TENM4: variants seen among roughly 807,000 people sequenced by gnomAD.
TENM4 encodes teneurin transmembrane protein 4.
TENM4 carries 82 observed loss-of-function variants against 243.3 expected under a neutral mutation model. That is an observed-to-expected ratio of 0.34 (90% CI 0.28 to 0.40). The LOEUF (loss-of-function observed/expected upper bound fraction) is 0.40, where lower values mean the gene tolerates loss of function less well. TENM4 is among the 10% of genes least tolerant of loss of function. The pLI, the probability that TENM4 is intolerant of heterozygous loss-of-function variation, is 1.00. For synonymous variants in TENM4, 1,412 were observed against 1,456.3 expected (o/e 0.97, Z 0.69); for missense variants, 3,138 against 3,673.3 (o/e 0.85, Z 3.77).
chr11:79,337,406 C>T (rs1300451994), intron 1 of TENM4, among the ~76,000 whole-genome samples: 1 of 152,164 alleles, frequency 6.6e-6, no homozygotes, highest in Non-Finnish European at 1.5e-5. Context: ...GAAGGGGGTA[C>T]TTGTCCCTTG....
chr11:78,977,235 G>A (rs180675352), intron 6 of TENM4, among the ~76,000 whole-genome samples: 1 of 152,336 alleles, frequency 6.6e-6, no homozygotes, highest in African/African-American at 2.4e-5. Flanking sequence ...TCATAGTGGA[G>A]TAGGTTCCCA....
At chr11:79,428,785 A>G (rs1453938205) in intron 1 of TENM4, among the ~76,000 whole-genome samples, 1 of 152,228 alleles carries the variant, frequency 6.6e-6, no homozygotes, top group East Asian at 1.9e-4. Flanking sequence ...CCATGGCTCA[A>G]ACAAATTAGG....
At chr11:79,287,398 G>T (rs374357147) in intron 2 of TENM4, among the ~76,000 whole-genome samples, 1 of 152,188 alleles carries the variant, frequency 6.6e-6, no homozygotes, top group Non-Finnish European at 1.5e-5. Flanking sequence ...CAGTGAGAAA[G>T]CGTGCCAGAT....
chr11:78,926,907 G>A (rs537365079), intron 6 of TENM4, among the ~76,000 whole-genome samples: 2 of 152,196 alleles, frequency 1.3e-5, no homozygotes, highest in Middle Eastern at 3.4e-3. Flanking sequence ...CTGGCTTTGC[G>A]TGATTTTCTA....
intron 27 of TENM4, 128 bp downstream of exon 27, chr11:78,708,233 G>A: frequency 1.6e-6 from 2 of 1,270,432 alleles, no homozygotes; most frequent in Non-Finnish European, 1.1e-6. Context: ...GCTCATCACA[G>A]CCTGGCACCA....
chr11:79,352,009 T>C (rs1347519489), intron 1 of TENM4, among the ~76,000 whole-genome samples: 35 of 152,218 alleles, frequency 2.3e-4, no homozygotes, highest in Admixed American at 2.3e-3. Flanking sequence ...TTTTCTGATT[T>C]GTAAAATCAA....
At chr11:78,676,770 TAA>T (rs987993499) in intron 29 of TENM4, among the ~76,000 whole-genome samples, 4 of 151,960 alleles carry the variant, frequency 2.6e-5, no homozygotes, top group African/African-American at 9.7e-5. Context: ...GAAAATACTT[TAA>T]GTTATTTAAC....
intron 17 of TENM4, among the ~76,000 whole-genome samples, chr11:78,778,172 C>T (rs369704707): frequency 6.6e-6 from 1 of 152,090 alleles, no homozygotes; most frequent in Non-Finnish European, 1.5e-5. Context: ...AGAAAGTAGT[C>T]CTTAAAATTT....
intron 3 of TENM4, among the ~76,000 whole-genome samples, chr11:79,189,875 T>C (rs1232524872): frequency 6.6e-6 from 1 of 152,194 alleles, no homozygotes; most frequent in South Asian, 2.1e-4. Context: ...ATGGCCCCAC[T>C]CCTGTTGTCA....
chr11:79,186,467 C>A (rs1297282720), intron 3 of TENM4, among the ~76,000 whole-genome samples: 1 of 152,208 alleles, frequency 6.6e-6, no homozygotes, highest in African/African-American at 2.4e-5. Flanking sequence ...GGTATGTTAT[C>A]CTCATTTTAT....
intron 19 of TENM4, among the ~76,000 whole-genome samples, chr11:78,741,325 CAAAA>C (rs1565358891): frequency 6.6e-6 from 1 of 151,414 alleles, no homozygotes; most frequent in African/African-American, 2.4e-5. Context: ...AAAAAAGAAA[CAAAA>C]AGAAAACCAG....
chr11:79,091,691 A>G (rs531219389), intron 4 of TENM4, among the ~76,000 whole-genome samples: 2 of 152,230 alleles, frequency 1.3e-5, no homozygotes, highest in East Asian at 3.9e-4. Context: ...GGTGACTCCT[A>G]TGACACTGAG....
At chr11:78,953,494 G>A (rs918819774) in intron 6 of TENM4, among the ~76,000 whole-genome samples, 1 of 152,162 alleles carries the variant, frequency 6.6e-6, no homozygotes, top group African/African-American at 2.4e-5. Flanking sequence ...ATCACTGTGA[G>A]AGAAGCCTTA....
At chr11:79,191,835 G>GAGAC (rs1863506393) in intron 3 of TENM4, 1 of 191,034 alleles carries the variant, frequency 5.2e-6, no homozygotes. Context: ...GAGAAGTGAG[G>GAGAC]AGACCCTCTG....
chr11:79,172,792 C>A (rs1275895526), intron 3 of TENM4, among the ~76,000 whole-genome samples: 3 of 151,826 alleles, frequency 2.0e-5, no homozygotes, highest in African/African-American at 7.3e-5. Flanking sequence ...GTGTGCACCA[C>A]CACGCCCAGC....
rs555024395 is a variant in TENM4 at position 78,663,171 on chromosome 11, G to A, written c.7409-1580C>T. Among the ~76,000 whole-genome samples, 5 of 152,342 alleles carry A rather than the reference G, an allele frequency of 3.3e-5. No individual in the cohort carries two copies. In the South Asian group the frequency reaches 1.0e-3, roughly 32 times the overall value. On this transcript the variant is annotated intron_variant, in intron 32 of 33. Coordinates refer to ENST00000278550, the MANE Select transcript of TENM4 (RefSeq NM_001098816.3). Reference sequence around the variant, plus strand: ...TCCCAGCAGGCTCAGCCTTCCTCAGGAAGGCATAGCTGAAGATGCCAAAGC... The same window carrying A: ...TCCCAGCAGGCTCAGCCTTCCTCAGAAAGGCATAGCTGAAGATGCCAAAGC...
At chr11:78,815,663 G>A (rs1337258618) in intron 12 of TENM4, among the ~76,000 whole-genome samples, 1 of 152,240 alleles carries the variant, frequency 6.6e-6, no homozygotes, top group Non-Finnish European at 1.5e-5. Context: ...GCTGGATGTG[G>A]AATGAGGCAC....
At chr11:79,315,899 C>A (rs1856795057) in intron 1 of TENM4, among the ~76,000 whole-genome samples, 1 of 152,160 alleles carries the variant, frequency 6.6e-6, no homozygotes, top group African/African-American at 2.4e-5. Flanking sequence ...AAAGTAATTG[C>A]ACTTTCTGCT....
intron 1 of TENM4, among the ~76,000 whole-genome samples, chr11:79,434,961 T>C (rs183741688): frequency 3.0e-4 from 45 of 152,332 alleles, no homozygotes; most frequent in Middle Eastern, 3.4e-3. Context: ...CATTAAATTA[T>C]ATCTGTCATA....
Sources: gnomAD v4.1 joint callset for allele counts (sites outside exome capture counted in the v4.1 genomes callset) on GRCh38, gnomAD v4.1.1 for gene constraint, MANE v1.5 for transcripts, NCBI Gene and HGNC (gene_info 2026-07-23, HGNC 2026-07-21) for gene names.